Variants in CSMD1 observed in about 807,000 individuals in gnomAD.
CSMD1 encodes CUB and sushi domain-containing protein 1.
In CSMD1, 213 loss-of-function variants were observed where a neutral mutation model predicts 417.5. The ratio of observed to expected loss-of-function variants is 0.51; its 90% CI spans 0.46 to 0.57. CSMD1 has a LOEUF of 0.57. Among genes scored for constraint, CSMD1 ranks in the 20% least tolerant of loss-of-function variants. CSMD1 has a pLI of 0.00. For missense variants in CSMD1, 6,923 were observed against 4,529.7 expected, an observed-to-expected ratio of 1.53 and a Z score of -15.17; for synonymous variants, 2,862 against 1,736.8, an observed-to-expected ratio of 1.65 and a Z score of -16.11.
chr8:3,060,473 G>A (rs1300243577), intron 49 of CSMD1, among the ~76,000 whole-genome samples: 1 of 152,144 alleles, frequency 6.6e-6, no homozygotes, highest in Non-Finnish European at 1.5e-5. Context: ...ATGGGCATGA[G>A]CCACTGTCTA....
intron 5 of CSMD1, among the ~76,000 whole-genome samples, chr8:3,881,388 C>T (rs962042062): frequency 6.6e-6 from 1 of 151,190 alleles, no homozygotes; most frequent in African/African-American, 2.4e-5. Flanking sequence ...ATAATCCCAG[C>T]ACTTTGGGAG....
intron 3 of CSMD1, among the ~76,000 whole-genome samples, chr8:4,159,023 C>G (rs893368213): frequency 6.6e-6 from 1 of 152,164 alleles, no homozygotes; most frequent in African/African-American, 2.4e-5. Flanking sequence ...TCAAGCGATT[C>G]TCCTGCCTCA....
At chr8:3,753,807 G>A in intron 6 of CSMD1, 123 bp downstream of exon 6, 1 of 608,776 alleles carries the variant, frequency 1.6e-6, no homozygotes, top group Non-Finnish European at 2.8e-6. Flanking sequence ...AGATAACTGT[G>A]AATAAAAGAA....
intron 1 of CSMD1, among the ~76,000 whole-genome samples, chr8:4,926,170 C>A (rs1307816979): frequency 6.6e-6 from 1 of 152,144 alleles, no homozygotes; most frequent in Non-Finnish European, 1.5e-5. Context: ...GACAGCCAAG[C>A]CTATCAAGTC....
chr8:4,566,914 C>G (rs4875359), intron 2 of CSMD1, among the ~76,000 whole-genome samples: 1 of 24,926 alleles, frequency 4.0e-5, no homozygotes, highest in Non-Finnish European at 1.2e-4. Context: ...AAAGTCAATT[C>G]AGGAATGAAC....
intron 7 of CSMD1, among the ~76,000 whole-genome samples, chr8:3,648,800 G>A (rs977307813): frequency 1.5e-4 from 23 of 151,430 alleles, no homozygotes; most frequent in African/African-American, 5.3e-4. Flanking sequence ...TCTTTACGCG[G>A]CACCCCTCTC....
intron 26 of CSMD1, among the ~76,000 whole-genome samples, chr8:3,231,057 C>T (rs1465251149): frequency 1.3e-5 from 2 of 152,098 alleles, no homozygotes; most frequent in Admixed American, 6.6e-5. Flanking sequence ...TCTGCCTGCG[C>T]CTAATCACAG....
At position 4,785,452 on chromosome 8, in the gene CSMD1, C is replaced by A. The variant is rs115728914; in HGVS notation, c.86-147894G>T. On this transcript the variant is annotated intron_variant, in intron 1 of 69. Coordinates refer to ENST00000635120, the MANE Select transcript of CSMD1 (RefSeq NM_033225.6). ...TGGGTTAGATCACCATTAGCTCATG[C>A]AGCCCTTTGCTAAGCTTTGGACCTC... is the stretch of plus-strand genomic sequence containing the variant. Among the ~76,000 whole-genome samples, 562 of 152,240 alleles carry A rather than the reference C, an allele frequency of 3.7e-3. 2 individuals are homozygous for A. Among genetic ancestry groups the A allele is most frequent in the African/African-American group, 0.013 (539 of 41,536 alleles).
rs143574026 is a variant in CSMD1 at position 3,364,992 on chromosome 8, T to C, written c.3115+2040A>G. ...CTGAGAAACACCTGCAGAAGTGAACTGTAACAGACTTGCGTCACTGCCATT... is the reference window on the plus strand; with the variant it reads ...CTGAGAAACACCTGCAGAAGTGAACCGTAACAGACTTGCGTCACTGCCATT... On this transcript the variant is annotated intron_variant, in intron 20 of 69. Coordinates refer to ENST00000635120, the MANE Select transcript of CSMD1 (RefSeq NM_033225.6). Among the ~76,000 whole-genome samples, 913 of 152,314 alleles carry C rather than the reference T, an allele frequency of 6.0e-3. 6 individuals are homozygous for C. Among genetic ancestry groups the C allele is most frequent in the South Asian group, 0.028 (133 of 4,826 alleles).
At chr8:4,135,090 C>A (rs748124228) in intron 3 of CSMD1, among the ~76,000 whole-genome samples, 1 of 152,092 alleles carries the variant, frequency 6.6e-6, no homozygotes, top group Non-Finnish European at 1.5e-5. Flanking sequence ...AAAAAAAATT[C>A]TTCCATAATA....
intron 7 of CSMD1, among the ~76,000 whole-genome samples, chr8:3,626,178 C>G (rs888679938): frequency 1.6e-4 from 24 of 152,222 alleles, no homozygotes; most frequent in African/African-American, 5.5e-4. Context: ...ATGCCTCCGG[C>G]TGGCTCCCGC....
intron 1 of CSMD1, among the ~76,000 whole-genome samples, chr8:4,868,716 G>A (rs943183925): frequency 2.0e-5 from 3 of 151,730 alleles, no homozygotes; most frequent in East Asian, 1.9e-4. Flanking sequence ...TATTTGATGC[G>A]GTACCAGTTA....
chr8:2,956,878 T>C (rs1233510307), intron 63 of CSMD1, among the ~76,000 whole-genome samples: 2 of 152,170 alleles, frequency 1.3e-5, no homozygotes, highest in African/African-American at 4.8e-5. Flanking sequence ...CATGCATATA[T>C]ATATGTGTAT....
intron 5 of CSMD1, among the ~76,000 whole-genome samples, chr8:3,916,798 G>T (rs371985884): frequency 6.6e-6 from 1 of 152,024 alleles, no homozygotes; most frequent in African/African-American, 2.4e-5. Context: ...TCAAAATAAG[G>T]CTGTGAAGAT....
At chr8:4,124,044 G>A (rs547701529) in intron 3 of CSMD1, among the ~76,000 whole-genome samples, 59 of 151,638 alleles carry the variant, frequency 3.9e-4, no homozygotes, top group Admixed American at 1.6e-3. Context: ...ATTGCATTCC[G>A]GAACGACATT....
chr8:4,184,398 T>C (rs974437829), intron 3 of CSMD1, among the ~76,000 whole-genome samples: 16 of 152,158 alleles, frequency 1.1e-4, no homozygotes, highest in African/African-American at 3.9e-4. Context: ...ATTCTAATAA[T>C]CTGGAGCATA....
At chr8:4,050,028 G>A (rs1052236818) in intron 3 of CSMD1, among the ~76,000 whole-genome samples, 3 of 152,096 alleles carry the variant, frequency 2.0e-5, no homozygotes, top group East Asian at 1.9e-4. Flanking sequence ...CAGAAGTTGC[G>A]GCCAGATATT....
chr8:3,690,018 T>A (rs1800153280), intron 7 of CSMD1, among the ~76,000 whole-genome samples: 1 of 152,206 alleles, frequency 6.6e-6, no homozygotes, highest in Non-Finnish European at 1.5e-5. Context: ...GGTCAGTAAA[T>A]GGAGTTCTTG....
At chr8:3,838,516 A>T (rs1238097027) in intron 5 of CSMD1, among the ~76,000 whole-genome samples, 1 of 119,202 alleles carries the variant, frequency 8.4e-6, no homozygotes, top group Non-Finnish European at 1.7e-5. Context: ...TATATAATAT[A>T]ATATAGCCTA....
Sources: allele counts gnomAD v4.1 joint callset (sites outside exome capture counted in the v4.1 genomes callset), GRCh38; gene constraint gnomAD v4.1.1; transcripts MANE v1.5; gene names NCBI Gene and HGNC (gene_info 2026-07-23, HGNC 2026-07-21).